The following CADPS variants were observed in gnomAD, a reference collection of about 807,000 sequenced individuals.
The protein encoded by CADPS is calcium-dependent secretion activator 1.
Under a neutral mutation model 167.3 loss-of-function variants are expected in CADPS, and 57 were observed. The ratio of observed to expected loss-of-function variants is 0.34; its 90% CI spans 0.28 to 0.42. The LOEUF is 0.42. Among genes scored for constraint, CADPS ranks in the 20% least tolerant of loss-of-function variants. The pLI is 1.00. For synonymous variants in CADPS, 676 were observed against 635.3 expected (o/e 1.06, Z -0.96); for missense variants, 1,414 against 1,738.1 (o/e 0.81, Z 3.32).
At chr3:62,858,555 T>G (rs1010886415) in intron 1 of CADPS, among the ~76,000 whole-genome samples, 2 of 152,120 alleles carry the variant, frequency 1.3e-5, no homozygotes, top group African/African-American at 4.8e-5. Flanking sequence ...CCTGAAAAAA[T>G]TACAAGTCTG....
At chr3:62,510,802 T>C (rs1231197185) in intron 17 of CADPS, among the ~76,000 whole-genome samples, 1 of 152,110 alleles carries the variant, frequency 6.6e-6, no homozygotes, top group Non-Finnish European at 1.5e-5. Context: ...CATGAATTTG[T>C]GCTCTATTCT....
At chr3:62,845,913 T>C (rs1393437707) in intron 1 of CADPS, among the ~76,000 whole-genome samples, 1 of 152,192 alleles carries the variant, frequency 6.6e-6, no homozygotes, top group Non-Finnish European at 1.5e-5. Flanking sequence ...AATCTGATGT[T>C]GAATTGTAAT....
At chr3:62,635,344 C>G (rs2066079510) in intron 6 of CADPS, among the ~76,000 whole-genome samples, 1 of 152,140 alleles carries the variant, frequency 6.6e-6, no homozygotes, top group South Asian at 2.1e-4. Context: ...TCCTGCAACT[C>G]TACTGTACTA....
chr3:62,655,583 C>A (rs2071343319), intron 4 of CADPS, among the ~76,000 whole-genome samples: 1 of 152,100 alleles, frequency 6.6e-6, no homozygotes, highest in Non-Finnish European at 1.5e-5. Flanking sequence ...CCTCCCTTGG[C>A]TGCTGGCTTT....
At chr3:62,540,839 T>C (rs866284344) in intron 11 of CADPS, among the ~76,000 whole-genome samples, 3 of 152,098 alleles carry the variant, frequency 2.0e-5, no homozygotes, top group Non-Finnish European at 2.9e-5. Context: ...TGCAACTCCA[T>C]TTTTTCCCTG....
At chr3:62,580,081 T>C (rs2083105218) in intron 8 of CADPS, among the ~76,000 whole-genome samples, 1 of 152,122 alleles carries the variant, frequency 6.6e-6, no homozygotes, top group Non-Finnish European at 1.5e-5. Flanking sequence ...TGCCTGAGGC[T>C]AAGAGTTCGA....
At chr3:62,719,641 T>A (rs1443140862) in intron 3 of CADPS, among the ~76,000 whole-genome samples, 1 of 152,210 alleles carries the variant, frequency 6.6e-6, no homozygotes, top group Non-Finnish European at 1.5e-5. Flanking sequence ...TATAAATAAT[T>A]GGGTAATCTG....
Position 62,438,182 on chromosome 3 carries a change from G to A in CADPS, c.3699C>T (p.Tyr1233=), listed in dbSNP as rs2055540169. ...CCTGAGAATGGCGGACGAAAGTCAC[G>A]TAGGCGTCGGCCACGTCCATCCCGG... ...PKPGMDVADA[Y]VTFVRHSQDV... is the part of the protein sequence containing the mutation. The change falls in exon 28 of 30, where the codon TAC becomes TAT. Residue 1233 remains tyrosine, a synonymous_variant. Transcript: ENST00000383710. The surrounding 1 kb of genome is among the most constrained non-coding windows in gnomAD (Gnocchi z 4.7). The A allele has an allele frequency of 1.2e-6, 2 of 1,613,542 alleles. No individual in the cohort carries two copies. Among genetic ancestry groups the A allele is most frequent in the Non-Finnish European group, 1.7e-6 (2 of 1,179,662 alleles).
chr3:62,830,897 C>T (rs998882530), intron 1 of CADPS, among the ~76,000 whole-genome samples: 5 of 152,150 alleles, frequency 3.3e-5, no homozygotes, highest in Admixed American at 2.0e-4. Context: ...TATCCTCATG[C>T]AAATTGTGGA....
At chr3:62,760,785 T>C (rs1401174855) in intron 2 of CADPS, among the ~76,000 whole-genome samples, 1 of 152,184 alleles carries the variant, frequency 6.6e-6, no homozygotes, top group Non-Finnish European at 1.5e-5. Context: ...TTTATACTCC[T>C]CTTAAATAAA....
chr3:62,432,156 G>T (rs2149634846), intron 28 of CADPS, among the ~76,000 whole-genome samples: 1 of 152,184 alleles, frequency 6.6e-6, no homozygotes, highest in Non-Finnish European at 1.5e-5. Flanking sequence ...TCACTTGAAG[G>T]AACAAGTAGT....
rs2080253595 is a variant in CADPS, at chr3:62,696,248, AT to A, written c.889-33855del. ...CTGGGTTCTGCCAATTAGTGATGCT[AT>A]GGGGAAAGCTGCAGGGTGGGAGAGG... On this transcript the variant is annotated intron_variant, in intron 3 of 29. Transcript: ENST00000383710. Among the ~76,000 whole-genome samples the A allele has an allele frequency of 2.6e-5, 4 of 152,174 alleles. No individual in the cohort carries two copies. The South Asian group carries it at 8.3e-4, about 32-fold the overall frequency.
At chr3:62,513,771 G>T in intron 16 of CADPS, 1 of 1,045,870 alleles carries the variant, frequency 9.6e-7, no homozygotes, top group Non-Finnish European at 1.5e-6. Context: ...AAGGTCATAG[G>T]TTAGAGGAAA....
chr3:62,839,094 T>C (rs79245595), intron 1 of CADPS, among the ~76,000 whole-genome samples: 3,937 of 152,304 alleles, frequency 0.026, 185 homozygotes, highest in African/African-American at 0.09. Context: ...GGGATACACA[T>C]GAAGATGCTT....
intron 1 of CADPS, among the ~76,000 whole-genome samples, chr3:62,816,860 A>C (rs941061548): frequency 6.6e-6 from 1 of 152,174 alleles, no homozygotes; most frequent in Non-Finnish European, 1.5e-5. Flanking sequence ...CACAGTGACA[A>C]AGATCTACTA....
At chr3:62,498,186 G>A (rs1230852565) in intron 18 of CADPS, 9 of 456,374 alleles carry the variant, frequency 2.0e-5, no homozygotes, top group Non-Finnish European at 3.5e-5. Flanking sequence ...GAATAAAATA[G>A]TAGAAAAACA....
At chr3:62,715,772 T>A (rs2084415147) in intron 3 of CADPS, among the ~76,000 whole-genome samples, 1 of 142,636 alleles carries the variant, frequency 7.0e-6, no homozygotes, top group African/African-American at 2.5e-5. Context: ...TTTTTTTTTT[T>A]TTGAGATGGA....
chr3:62,872,125 T>TCTGA (rs34208240), intron 1 of CADPS, among the ~76,000 whole-genome samples: 90,520 of 151,414 alleles, frequency 0.6, 27,792 homozygotes, highest in African/African-American at 0.71. Flanking sequence ...ACATTTTTCC[T>TCTGA]CTTTTTCTAG....
At chr3:62,471,341 G>A (rs2060587806) in intron 24 of CADPS, among the ~76,000 whole-genome samples, 1 of 152,170 alleles carries the variant, frequency 6.6e-6, no homozygotes, top group South Asian at 2.1e-4. Flanking sequence ...CTCATCCTCT[G>A]TCTCCAACTG....
Sources: gnomAD v4.1 joint callset for allele counts (sites outside exome capture counted in the v4.1 genomes callset) on GRCh38, gnomAD v4.1.1 for gene constraint, Gnocchi (gnomAD v3.1) non-coding constraint, MANE v1.5 for transcripts, NCBI Gene and HGNC (gene_info 2026-07-23, HGNC 2026-07-21) for gene names.